The following CAD variants were observed in gnomAD, a reference collection of about 807,000 sequenced individuals.
CAD encodes multifunctional protein CAD.
A neutral mutation model predicts 237.2 loss-of-function variants in CAD; 81 were observed. That is an observed-to-expected ratio of 0.34 (90% confidence interval 0.29 to 0.41). The LOEUF (loss-of-function observed/expected upper bound fraction) is 0.41, where lower values mean the gene tolerates loss of function less well. CAD is among the 10% of genes least tolerant of loss of function. CAD has a pLI of 1.00. For synonymous variants in CAD, 1,196 were observed against 1,162.8 expected (o/e 1.03, Z -0.58); for missense variants, 2,181 against 2,951.7 (o/e 0.74, Z 6.05).
At chr2:27,222,788 C>T in intron 5 of CAD, 78 bp from the exon 6 acceptor site, 8 of 1,578,856 alleles carry the variant, frequency 5.1e-6, no homozygotes, top group Non-Finnish European at 6.1e-6. Flanking sequence ...TTAACACTCT[C>T]ATGGGCTGGG....
In CAD at chr2:27,241,293, C is replaced by A; in HGVS notation, c.5809-29C>A. ...GGATTTGGAAAGCTGGGGCTAGGAC[C>A]TTTCTAGCTAACTTGGGCTCTTTCT... On this transcript the variant is annotated intron_variant, in intron 37 of 43. Coordinates refer to ENST00000264705, the MANE Select transcript of CAD (RefSeq NM_004341.5). This position sits in a 1 kb window ranked among gnomAD's most constrained non-coding sequence, Gnocchi z 4.6. The A allele has an allele frequency of 6.2e-7, 1 of 1,613,876 alleles. No individual in the cohort carries two copies. Among genetic ancestry groups the A allele is most frequent in the Admixed American group, 1.7e-5 (1 of 60,020 alleles).
At position 27,233,533 on chromosome 2, in the gene CAD, C is replaced by T. The variant is rs756267393; in HGVS notation, c.3213C>T (p.Leu1071=). ...SQPQWRELSD[L]ESARQFCQTV... ...CTCAGTGGAGGGAGCTCAGTGACCT[C>T]GAGGTGGGCTGGGACCTGGTGGGTT... Residue 1071 remains leucine (L), a synonymous_variant, in exon 20 of 44, where the codon CTC becomes CTT. Coordinates refer to ENST00000264705, the MANE Select transcript of CAD (RefSeq NM_004341.5). This position sits in a 1 kb window ranked among gnomAD's most constrained non-coding sequence, Gnocchi z 6.3. 17 of 1,614,124 alleles carry T rather than the reference C, an allele frequency of 1.1e-5. No individual in the cohort carries two copies. Among genetic ancestry groups the T allele is most frequent in the South Asian group, 1.1e-5 (1 of 91,082 alleles).
intron 11 of CAD, 97 bp from the exon 12 acceptor site, chr2:27,225,608 A>G: frequency 1.0e-6 from 1 of 958,830 alleles, no homozygotes. Context: ...CACTATGCCC[A>G]GCCATGTTAT....
At position 27,236,640 on chromosome 2, in the gene CAD, G is replaced by C; in HGVS notation, c.4315-109G>C. Reference sequence around the variant, plus strand: ...ATAAAGCTTTGTGGCTACAGAGGGAGAGATGGTGGGTATAGAGTGTGCAGA... The same window carrying C: ...ATAAAGCTTTGTGGCTACAGAGGGACAGATGGTGGGTATAGAGTGTGCAGA... On this transcript the variant is annotated intron_variant, in intron 26 of 43. Coordinates refer to ENST00000264705, the MANE Select transcript of CAD (RefSeq NM_004341.5). This position sits in a 1 kb window ranked among gnomAD's most constrained non-coding sequence, Gnocchi z 4.1. The C allele has an allele frequency of 6.5e-7, 1 of 1,544,628 alleles. No homozygotes were observed.
Position 27,241,406 on chromosome 2 carries a change from AG to A in CAD, c.5883+13del, listed in dbSNP as rs2148096889. The A allele has an allele frequency of 6.2e-7, 1 of 1,613,604 alleles. No homozygotes were observed. The highest frequency in any genetic ancestry group is 8.5e-7 in the Non-Finnish European group (1 of 1,179,474). ...CCTCGACATCCTGAAGGTCAGGATC[AG>A]GGCCGGGGGTAGGGTCCAGGCCATC... On this transcript the variant is annotated intron_variant, in intron 38 of 43. Transcript: ENST00000264705. The surrounding 1 kb of genome is among the most constrained non-coding windows in gnomAD (Gnocchi z 4.6).
chr2:27,240,268 C>A lies in CAD; in HGVS notation c.5500C>A (p.Pro1834Thr). The change falls in exon 35 of 44, where the codon CCT (proline) becomes ACT (threonine). Residue 1834 changes from proline (P) to threonine (T), a missense_variant. Pro to Thr is a conservative substitution (Grantham distance 38). This residue lies in a region of CAD where 478 missense variants were observed against 515.0 expected (regional missense o/e 0.93). Transcript: ENST00000264705. The surrounding 1 kb of genome is among the most constrained non-coding windows in gnomAD (Gnocchi z 4.6). ...APATSEMTTT[P>T]ERPRRGIPGL... ...TGGGCCAACGTTATCCCTCCAGACA[C>A]CTGAAAGACCCCGCCGTGGCATCCC... 6.2e-7 allele frequency: 1 copy of A among 1,613,518 alleles called. No individual in the cohort carries two copies. The highest frequency in any genetic ancestry group is 8.5e-7 in the Non-Finnish European group (1 of 1,179,540).
chr2:27,228,417 T>A (rs1675546001), intron 15 of CAD, among the ~76,000 whole-genome samples: 1 of 152,178 alleles, frequency 6.6e-6, no homozygotes, highest in Non-Finnish European at 1.5e-5. Context: ...CCTAAGGAGA[T>A]TATCCAAAAC....
At position 27,237,376 on chromosome 2, in the gene CAD, C is replaced by T. The variant is rs1291995537; in HGVS notation, c.4397-3C>T. On this transcript the variant is annotated splice_region_variant and splice_polypyrimidine_tract_variant and intron_variant, in intron 27 of 43. Coordinates refer to ENST00000264705, the MANE Select transcript of CAD (RefSeq NM_004341.5). The surrounding 1 kb of genome is among the most constrained non-coding windows in gnomAD (Gnocchi z 4.0). ...TAATCTTGCTGCTTCCATTTTCTCC[C>T]AGGATTGATTGATGTCCATGTGCAC... 3.1e-6 allele frequency: 5 copies of T among 1,613,844 alleles called. No individual in the cohort carries two copies. The South Asian group carries it at 4.4e-5, about 14-fold the overall frequency.
At chr2:27,224,613 G>A (rs1675340219) in intron 9 of CAD, 123 bp downstream of exon 9, 3 of 1,538,876 alleles carry the variant, frequency 1.9e-6, no homozygotes, top group Admixed American at 1.8e-5. Context: ...AGAGAAAGAT[G>A]TAGTAAGAAA....
Position 27,236,595 on chromosome 2 carries a change from A to G in CAD, c.4314+72A>G, listed in dbSNP as rs1239696261. The G allele has an allele frequency of 1.9e-6, 3 of 1,589,654 alleles. No individual in the cohort carries two copies. Among genetic ancestry groups the G allele is most frequent in the Admixed American group, 3.3e-5 (2 of 59,738 alleles). ...GAAGAAGAAAGAGGGAGGAGTGAGT[A>G]TGGAACAGCCATGCTAGTAATAAAG... is the stretch of plus-strand genomic sequence containing the variant. On this transcript the variant is annotated intron_variant, in intron 26 of 43. Coordinates refer to ENST00000264705, the MANE Select transcript of CAD (RefSeq NM_004341.5). This position sits in a 1 kb window ranked among gnomAD's most constrained non-coding sequence, Gnocchi z 4.1.
chr2:27,222,661 G>A lies in CAD; in HGVS notation c.637+1G>A. ...TGGGACCATGCACTAGACAGCCAAG[G>A]TGAGTAGCTGGGGCCTGTTCAGGGC... On this transcript the variant is annotated splice_donor_variant, in intron 5 of 43. Coordinates refer to ENST00000264705, the MANE Select transcript of CAD (RefSeq NM_004341.5). LOFTEE classifies it high-confidence loss of function. The A allele has an allele frequency of 6.2e-7, 1 of 1,612,600 alleles. No individual in the cohort carries two copies. Among genetic ancestry groups the A allele is most frequent in the Non-Finnish European group, 8.5e-7 (1 of 1,178,820 alleles).
chr2:27,217,533 G>C lies in CAD; in HGVS notation c.-19G>C, dbSNP rs1300092932. The C allele has an allele frequency of 1.3e-6, 2 of 1,593,422 alleles. No homozygotes were observed. The highest frequency in any genetic ancestry group is 1.7e-6 in the Non-Finnish European group (2 of 1,169,022). On this transcript the variant is annotated 5_prime_UTR_variant, in exon 1 of 44. Coordinates refer to ENST00000264705, the MANE Select transcript of CAD (RefSeq NM_004341.5). ...TTCCCGCTTCTCCGTACTCGCCCCC[G>C]CCTCTGAGCTCCCTTCCCATGGCGG...
rs1558546134 is a variant in CAD at position 27,241,897 on chromosome 2, T to C, written c.5884-14T>C. 1.9e-6 allele frequency: 3 copies of C among 1,607,356 alleles called. No homozygotes were observed. The highest frequency in any genetic ancestry group is 2.6e-6 in the Non-Finnish European group (3 of 1,174,852). On this transcript the variant is annotated splice_polypyrimidine_tract_variant and intron_variant, in intron 38 of 43. Transcript: ENST00000264705. The surrounding 1 kb of genome is among the most constrained non-coding windows in gnomAD (Gnocchi z 4.6). ...ACACGCATACGTACACCTTCCATCT[T>C]GCTCTTTCCCTAGGGGAAGGTCATG...
intron 2 of CAD, among the ~76,000 whole-genome samples, chr2:27,220,825 G>T (rs995500177): frequency 1.3e-5 from 2 of 152,064 alleles, no homozygotes; most frequent in African/African-American, 2.4e-5. Context: ...GGGTGTGGTG[G>T]CGGGCGCCTG....
Position 27,234,720 on chromosome 2 carries a change from A to T in CAD, c.3786+35A>T, listed in dbSNP as rs79030253. On this transcript the variant is annotated intron_variant, in intron 23 of 43. Transcript: ENST00000264705. ...ATCGAAACCCTTGGGGTTAGCAGAA[A>T]AATAGCGGGAGAGAGTTCACTCACC... 8 of 1,591,618 alleles carry T rather than the reference A, an allele frequency of 5.0e-6. No individual in the cohort carries two copies. The African/African-American group carries it at 1.1e-4, about 21-fold the overall frequency.
chr2:27,221,557 C>T (rs1490056444), intron 3 of CAD, among the ~76,000 whole-genome samples: 1 of 152,090 alleles, frequency 6.6e-6, no homozygotes, highest in Non-Finnish European at 1.5e-5. Flanking sequence ...TAATCATCAG[C>T]TTAGGGCTAA....
Position 27,232,717 on chromosome 2 carries a change from C to G in CAD, c.2892+23C>G. The stretch of plus-strand genomic sequence containing the variant: ...AAGGTCAGAGAGTTCATTTTCTTTC[C>G]ACTTTCCTTGCTATTCTGTTCATCT... On this transcript the variant is annotated intron_variant, in intron 18 of 43. Coordinates refer to ENST00000264705, the MANE Select transcript of CAD (RefSeq NM_004341.5). This position sits in a 1 kb window ranked among gnomAD's most constrained non-coding sequence, Gnocchi z 4.1. The G allele has an allele frequency of 6.2e-7, 1 of 1,613,860 alleles. No homozygotes were observed. Among genetic ancestry groups the G allele is most frequent in the Non-Finnish European group, 8.5e-7 (1 of 1,179,848 alleles).
At chr2:27,231,635 G>GC in intron 16 of CAD, 55 bp downstream of exon 16, 1 of 1,061,930 alleles carries the variant, frequency 9.4e-7, no homozygotes, top group African/African-American at 1.5e-5. Flanking sequence ...GCTTCTCATC[G>GC]CCCCCAGACC....
Position 27,237,041 on chromosome 2 carries a change from A to G in CAD, c.4396+211A>G, listed in dbSNP as rs1265535412. ...AATTTTTTTTTTTTTTTTTTTTTTG[A>G]GACAGAGTCTTACTCCATCGCCCAG... On this transcript the variant is annotated intron_variant, in intron 27 of 43. Transcript: ENST00000264705. This position sits in a 1 kb window ranked among gnomAD's most constrained non-coding sequence, Gnocchi z 4.0. Among the ~76,000 whole-genome samples the G allele has an allele frequency of 3.9e-5, 4 of 103,286 alleles. No individual in the cohort carries two copies. The East Asian group carries it at 7.3e-4, about 19-fold the overall frequency. The allele number at this position is 103,286 out of a possible 152,430, so 67.8% of individuals were successfully genotyped here.
Sources: gnomAD v4.1 joint callset for allele counts (sites outside exome capture counted in the v4.1 genomes callset) on GRCh38, gnomAD v4.1.1 for gene constraint, gnomAD v4.1.1 regional missense constraint, Gnocchi (gnomAD v3.1) non-coding constraint, MANE v1.5 for transcripts, NCBI Gene and HGNC (gene_info 2026-07-23, HGNC 2026-07-21) for gene names.